Variants in PTPN4 observed in about 807,000 individuals in gnomAD.
The protein encoded by PTPN4 is protein tyrosine phosphatase non-receptor type 4.
Under a neutral mutation model 135.5 loss-of-function variants are expected in PTPN4, and 49 were observed. That is an observed-to-expected ratio of 0.36 (90% CI 0.29 to 0.46). The LOEUF (loss-of-function observed/expected upper bound fraction) is 0.46. Among genes scored for constraint, PTPN4 ranks in the 20% least tolerant of loss-of-function variants. The pLI, the probability that PTPN4 is intolerant of heterozygous loss-of-function variation, is 1.00. For missense variants in PTPN4, 860 were observed against 1,101.0 expected (o/e 0.78, Z 3.10); for synonymous variants, 333 against 369.9 (o/e 0.90, Z 1.14).
chr2:119,973,652 C>CTTTTTTTTT (rs1553481271), intron 26 of PTPN4, among the ~76,000 whole-genome samples: 16 of 18,060 alleles, frequency 8.9e-4, no homozygotes, highest in African/African-American at 2.2e-3. Flanking sequence ...TCCTTCATTT[C>CTTTTTTTTT]TTGTTTTTTT....
chr2:119,876,943 G>T (rs995184878), intron 3 of PTPN4, among the ~76,000 whole-genome samples: 1 of 149,864 alleles, frequency 6.7e-6, no homozygotes, highest in Non-Finnish European at 1.5e-5. Flanking sequence ...GTGTGTGTGC[G>T]TGAAGGGTGA....
At chr2:119,913,967 G>A (rs1402461534) in intron 10 of PTPN4, among the ~76,000 whole-genome samples, 3 of 152,130 alleles carry the variant, frequency 2.0e-5, no homozygotes, top group Admixed American at 2.0e-4. Context: ...GCAAATACAA[G>A]TCACACACAA....
intron 1 of PTPN4, among the ~76,000 whole-genome samples, chr2:119,767,478 C>T (rs1028510837): frequency 1.3e-5 from 2 of 152,202 alleles, no homozygotes; most frequent in African/African-American, 4.8e-5. Context: ...ATAACACTAC[C>T]TTCAGGTCGA....
chr2:119,890,636 A>G (rs987782249), intron 9 of PTPN4, among the ~76,000 whole-genome samples: 2 of 151,898 alleles, frequency 1.3e-5, no homozygotes, highest in African/African-American at 4.8e-5. Flanking sequence ...TTCTGTAGTG[A>G]TACTGTTTGA....
rs143810255 is a variant in PTPN4, at chr2:119,891,016, G to A, written c.675+5134G>A. On this transcript the variant is annotated intron_variant, in intron 9 of 26. Coordinates refer to ENST00000263708, the MANE Select transcript of PTPN4 (RefSeq NM_002830.4). ...GACACTTCTGCTATTTTTAGGATTTGTTCCTGAAGTTTCACTTTAGACAGT... is the reference window on the plus strand; with the variant it reads ...GACACTTCTGCTATTTTTAGGATTTATTCCTGAAGTTTCACTTTAGACAGT... Among the ~76,000 whole-genome samples, 165 of 152,224 alleles carry A rather than the reference G, an allele frequency of 1.1e-3. 1 individual carries two copies. Among genetic ancestry groups the A allele is most frequent in the African/African-American group, 3.8e-3 (156 of 41,544 alleles).
chr2:119,796,762 T>G (rs1691269168), intron 1 of PTPN4, among the ~76,000 whole-genome samples: 2 of 152,162 alleles, frequency 1.3e-5, no homozygotes. Context: ...TGCCAAACCG[T>G]TTTCCAGCAT....
intron 1 of PTPN4, among the ~76,000 whole-genome samples, chr2:119,765,153 A>G (rs889550746): frequency 2.0e-5 from 3 of 152,248 alleles, no homozygotes; most frequent in East Asian, 1.9e-4. Context: ...TAAGGCATCT[A>G]GCGCTGTGCT....
Position 119,979,208 on chromosome 2 carries a change from TTGTC to T in PTPN4, c.*2142_*2145del, listed in dbSNP as rs1679658739. ...TTTCACCTGAATTTAAAAATAAAAT[TTGTC>T]TGTTCTATCTGTATGGACAGAATAT... On this transcript the variant is annotated 3_prime_UTR_variant, in exon 27 of 27. Coordinates refer to ENST00000263708, the MANE Select transcript of PTPN4 (RefSeq NM_002830.4). 1 of 152,158 alleles carries T rather than the reference TTGTC, an allele frequency of 6.6e-6. No individual in the cohort carries two copies. The highest frequency in any genetic ancestry group is 2.1e-4 in the South Asian group (1 of 4,830). The allele number at this position is 152,158 out of a possible 1,614,324, so 9.4% of individuals were successfully genotyped here. A position where few individuals can be genotyped will look rare whatever the true frequency, so the allele number is the denominator to read the frequency against.
intron 1 of PTPN4, among the ~76,000 whole-genome samples, chr2:119,790,757 C>T (rs959144129): frequency 3.3e-5 from 5 of 151,996 alleles, no homozygotes; most frequent in Non-Finnish European, 7.4e-5. Context: ...TTTCTCTATT[C>T]ATCTATTATT....
chr2:119,777,158 TC>T (rs1690850846), intron 1 of PTPN4, among the ~76,000 whole-genome samples: 1 of 152,202 alleles, frequency 6.6e-6, no homozygotes, highest in African/African-American at 2.4e-5. Flanking sequence ...TCCTTTTTGT[TC>T]CTGGCACTGG....
chr2:119,943,022 G>A (rs1484092967), intron 15 of PTPN4, among the ~76,000 whole-genome samples: 1 of 152,218 alleles, frequency 6.6e-6, no homozygotes, highest in Admixed American at 6.5e-5. Context: ...GCAGAATTTA[G>A]AGCATTTGTG....
chr2:119,904,061 C>A (rs1345287258), intron 10 of PTPN4, among the ~76,000 whole-genome samples: 5 of 152,186 alleles, frequency 3.3e-5, no homozygotes, highest in African/African-American at 7.2e-5. Flanking sequence ...GCACCTGTTA[C>A]ACCAGATGTG....
intron 1 of PTPN4, among the ~76,000 whole-genome samples, chr2:119,768,835 A>G (rs1289303920): frequency 2.6e-5 from 4 of 152,156 alleles, no homozygotes; most frequent in African/African-American, 7.2e-5. Context: ...AATTTGTTAG[A>G]AAGGTGCTAT....
At position 119,982,372 on chromosome 2, in the gene PTPN4, T is replaced by C. The variant is rs1464968465; in HGVS notation, c.*5302T>C. ...TTTCAAATGTCATTAGAATTATGGCTTGATTCTAAGGATACTCTATTTGTT... is the reference window on the plus strand; with the variant it reads ...TTTCAAATGTCATTAGAATTATGGCCTGATTCTAAGGATACTCTATTTGTT... On this transcript the variant is annotated 3_prime_UTR_variant, in exon 27 of 27. Transcript: ENST00000263708. 6.6e-6 allele frequency: 1 copy of C among 152,206 alleles called. No individual in the cohort carries two copies. Among genetic ancestry groups the C allele is most frequent in the Non-Finnish European group, 1.5e-5 (1 of 68,022 alleles). The allele number at this position is 152,206 out of a possible 1,614,324, so 9.4% of individuals were successfully genotyped here.
At position 119,962,888 on chromosome 2, in the gene PTPN4, T is replaced by A. The variant is rs576107513; in HGVS notation, c.2409+144T>A. 6.5e-6 allele frequency: 4 copies of A among 611,228 alleles called. No homozygotes were observed. In the South Asian group the frequency reaches 2.5e-4, roughly 38 times the overall value. The allele number at this position is 611,228 out of a possible 1,614,324, so 37.9% of individuals were successfully genotyped here. ...ATTTATCTGCTTTAATGGGGTACTT[T>A]GGAATTTTATTAAGAGTATTATCCT... On this transcript the variant is annotated intron_variant, in intron 24 of 26. Coordinates refer to ENST00000263708, the MANE Select transcript of PTPN4 (RefSeq NM_002830.4).
At chr2:119,767,235 C>T (rs957346792) in intron 1 of PTPN4, among the ~76,000 whole-genome samples, 4 of 152,116 alleles carry the variant, frequency 2.6e-5, no homozygotes, top group Non-Finnish European at 1.5e-5. Flanking sequence ...CTAATTGGAT[C>T]CTCAAATTTC....
At chr2:119,958,613 C>G (rs904294334) in intron 22 of PTPN4, among the ~76,000 whole-genome samples, 1 of 152,128 alleles carries the variant, frequency 6.6e-6, no homozygotes, top group Non-Finnish European at 1.5e-5. Flanking sequence ...TTGTCATGCT[C>G]TAGAAAGTCT....
intron 3 of PTPN4, among the ~76,000 whole-genome samples, chr2:119,873,611 CAG>C (rs1211414624): frequency 2.0e-5 from 3 of 152,260 alleles, no homozygotes; most frequent in Admixed American, 2.0e-4. Flanking sequence ...AGATTAGAAA[CAG>C]AGCTCCATCC....
intron 1 of PTPN4, among the ~76,000 whole-genome samples, chr2:119,764,649 T>C (rs1024393704): frequency 2.0e-5 from 3 of 152,104 alleles, no homozygotes; most frequent in African/African-American, 7.2e-5. Context: ...CTTTTTTTTT[T>C]TCTTAAGTTT....
Sources: allele counts gnomAD v4.1 joint callset (sites outside exome capture counted in the v4.1 genomes callset), GRCh38; gene constraint gnomAD v4.1.1; transcripts MANE v1.5; gene names NCBI Gene and HGNC (gene_info 2026-07-23, HGNC 2026-07-21).